Variants in KLB observed in about 807,000 individuals in gnomAD.
The protein encoded by KLB is klotho beta.
A neutral mutation model predicts 88.4 loss-of-function variants in KLB; 44 were observed. The ratio of observed to expected loss-of-function variants is 0.50; its 90% CI spans 0.39 to 0.64. KLB has a LOEUF of 0.64. KLB is among the 30% of genes least tolerant of loss of function. The probability of loss-of-function intolerance (pLI) is 0.00; values close to 1 mark genes in which losing one functional copy is unlikely to be tolerated. For missense variants in KLB, 1,137 were observed against 1,304.8 expected (o/e 0.87, Z 1.98); for synonymous variants, 548 against 513.4 (o/e 1.07, Z -0.91).
In KLB at chr4:39,434,379, A is replaced by G. The variant is rs568055363; in HGVS notation, c.995A>G (p.Asn332Ser). ...SMVSVLGWFANPIHGDGDYPE... is the reference protein window; with the variant it reads ...SMVSVLGWFASPIHGDGDYPE... ...GTTTCTGTGCTTGGATGGTTTGCCA[A>G]CCCTATCCATGGGGATGGCGACTAT... is the stretch of plus-strand genomic sequence containing the variant. Residue 332 changes from asparagine to serine, a missense_variant, in exon 2 of 5, where the codon AAC becomes AGC. Asn to Ser is a conservative substitution (Grantham distance 46, BLOSUM62 1). Coordinates refer to ENST00000257408, the MANE Select transcript of KLB (RefSeq NM_175737.4). 15 of 1,613,942 alleles carry G rather than the reference A, an allele frequency of 9.3e-6. No individual in the cohort carries two copies. Among genetic ancestry groups the G allele is most frequent in the Admixed American group, 3.3e-5 (2 of 60,004 alleles).
At chr4:39,409,898 T>C (rs1005069918) in intron 1 of KLB, among the ~76,000 whole-genome samples, 6 of 152,108 alleles carry the variant, frequency 3.9e-5, no homozygotes, top group Non-Finnish European at 8.8e-5. Context: ...CACTCCAGCC[T>C]GGGCGAGAGT....
chr4:39,427,011 G>GATGA (rs1371810624), intron 1 of KLB, among the ~76,000 whole-genome samples: 62 of 152,238 alleles, frequency 4.1e-4, no homozygotes, highest in African/African-American at 1.5e-3. Context: ...CTGCAGCATG[G>GATGA]ATGAATGAAT....
rs188782162 is a variant in KLB, at chr4:39,425,829, G to T, written c.826-8381G>T. Among the ~76,000 whole-genome samples the T allele has an allele frequency of 5.9e-5, 9 of 152,206 alleles. No homozygotes were observed. The East Asian group carries it at 1.7e-3, about 29-fold the overall frequency. On this transcript the variant is annotated intron_variant, in intron 1 of 4. Transcript: ENST00000257408. ...GAGTTATTTCAACTATAGAAAACAT[G>T]AATTTGGGCCAGGCGCAGTGGCTCA...
At chr4:39,408,876 C>G (rs949751445) in intron 1 of KLB, among the ~76,000 whole-genome samples, 1 of 145,778 alleles carries the variant, frequency 6.9e-6, no homozygotes, top group Non-Finnish European at 1.5e-5. Context: ...AAAACTTTAT[C>G]AATATAATTT....
At chr4:39,426,851 C>T (rs1424717354) in intron 1 of KLB, among the ~76,000 whole-genome samples, 1 of 151,984 alleles carries the variant, frequency 6.6e-6, no homozygotes, top group African/African-American at 2.4e-5. Context: ...ATGCCTGGCT[C>T]ATTTTCTTAA....
chr4:39,407,079 C>T lies in KLB; in HGVS notation c.130C>T (p.Leu44Phe), dbSNP rs138789592. The T allele has an allele frequency of 1.6e-4, 264 of 1,614,130 alleles. No individual in the cohort carries two copies. The African/African-American group carries it at 3.2e-3, about 20-fold the overall frequency. ...GLQRSVILSA[L>F]ILLRAVTGFS... Reference sequence around the variant, plus strand: ...GCAAAGATCTGTCATCCTGTCAGCACTTATTCTGCTACGAGCTGTTACTGG... The same window carrying T: ...GCAAAGATCTGTCATCCTGTCAGCATTTATTCTGCTACGAGCTGTTACTGG... The change falls in exon 1 of 5, where the codon CTT becomes TTT. Residue 44 changes from leucine (L) to phenylalanine (F), a missense_variant. Leu to Phe is a conservative substitution (Grantham distance 22). This residue lies in a region of KLB where 111 missense variants were observed against 118.3 expected (regional missense o/e 0.94). Transcript: ENST00000257408.
chr4:39,424,766 C>T (rs370779398), intron 1 of KLB, among the ~76,000 whole-genome samples: 49 of 152,034 alleles, frequency 3.2e-4, no homozygotes, highest in East Asian at 1.4e-3. Flanking sequence ...GTAGCTGGGA[C>T]TACAGGCATG....
chr4:39,442,545 T>TGAAGGGAAG (rs1301345416), intron 3 of KLB, among the ~76,000 whole-genome samples: 1 of 150,958 alleles, frequency 6.6e-6, no homozygotes, highest in Non-Finnish European at 1.5e-5. Context: ...GAGATTCCCC[T>TGAAGGGAAG]GCCTCAGCCT....
intron 1 of KLB, among the ~76,000 whole-genome samples, chr4:39,427,063 A>G (rs1232810255): frequency 6.6e-6 from 1 of 152,234 alleles, no homozygotes; most frequent in Non-Finnish European, 1.5e-5. Flanking sequence ...GGTAATTAAC[A>G]TAAAAGTTGA....
In KLB at chr4:39,420,122, G is replaced by A. The variant is rs185062556; in HGVS notation, c.825+12348G>A. Among the ~76,000 whole-genome samples, 301 of 152,198 alleles carry A rather than the reference G, an allele frequency of 2.0e-3. 1 individual carries two copies. The highest frequency in any genetic ancestry group is 6.8e-3 in the African/African-American group (283 of 41,536). ...GAAGTAATTAAAGTAATCCTTGGGT[G>A]ATCTAGTAGTGTTACTTGAAAATGT... On this transcript the variant is annotated intron_variant, in intron 1 of 4. Coordinates refer to ENST00000257408, the MANE Select transcript of KLB (RefSeq NM_175737.4).
intron 1 of KLB, among the ~76,000 whole-genome samples, chr4:39,425,189 T>C (rs2608816): frequency 0.11 from 16,639 of 152,280 alleles, 995 homozygotes; most frequent in Middle Eastern, 0.21. Flanking sequence ...CAATTTCTAA[T>C]AGAGGGAAAC....
chr4:39,447,064 G>C lies in KLB; in HGVS notation c.2338G>C (p.Gly780Arg). ...GTTCGCCGAGCCGCTCTTCAAGACC[G>C]GGGACTACCCCGCGGCCATGAGGGA... ...AWFAEPLFKT[G>R]DYPAAMREYI... Residue 780 changes from glycine to arginine, a missense_variant, in exon 4 of 5, where the codon GGG becomes CGG. Gly to Arg is a moderately radical substitution (Grantham distance 125, BLOSUM62 -2). Coordinates refer to ENST00000257408, the MANE Select transcript of KLB (RefSeq NM_175737.4). 6.2e-7 allele frequency: 1 copy of C among 1,612,684 alleles called. No homozygotes were observed. The highest frequency in any genetic ancestry group is 8.5e-7 in the Non-Finnish European group (1 of 1,179,950).
intron 3 of KLB, among the ~76,000 whole-genome samples, chr4:39,444,508 T>C (rs997128458): frequency 1.3e-5 from 2 of 152,192 alleles, no homozygotes; most frequent in African/African-American, 2.4e-5. Context: ...TGGTGGGGAA[T>C]AGGATTTTAG....
chr4:39,430,089 T>C (rs948302842), intron 1 of KLB, among the ~76,000 whole-genome samples: 1 of 152,246 alleles, frequency 6.6e-6, no homozygotes, highest in Admixed American at 6.5e-5. Flanking sequence ...CTGTTTCTCA[T>C]TCAAAGGCTG....
chr4:39,409,354 G>A (rs866154711), intron 1 of KLB, among the ~76,000 whole-genome samples: 4 of 149,540 alleles, frequency 2.7e-5, no homozygotes, highest in South Asian at 2.1e-4. Flanking sequence ...GTGCAATGGC[G>A]CAGTCTTGGC....
Position 39,442,241 on chromosome 4 carries a change from C to CA in KLB, c.1606-4077dup, listed in dbSNP as rs547196892. Among the ~76,000 whole-genome samples, 1,366 of 138,718 alleles carry CA rather than the reference C, an allele frequency of 9.8e-3. 20 individuals carry two copies. The highest frequency in any genetic ancestry group is 0.025 in the African/African-American group (955 of 38,096). The allele number at this position is 138,718 out of a possible 152,430, so 91.0% of individuals were successfully genotyped here. A position where few individuals can be genotyped will look rare whatever the true frequency, so the allele number is the denominator to read the frequency against. ...TGGGCAACAGAGCAAGACCCTGTCT[C>CA]AAAAAAAAAAAAAATTACTAAGCCT... On this transcript the variant is annotated intron_variant, in intron 3 of 4. Coordinates refer to ENST00000257408, the MANE Select transcript of KLB (RefSeq NM_175737.4).
At chr4:39,419,379 G>C (rs1743029938) in intron 1 of KLB, among the ~76,000 whole-genome samples, 1 of 151,998 alleles carries the variant, frequency 6.6e-6, no homozygotes, top group African/African-American at 2.4e-5. Context: ...TGGACATGAT[G>C]AAACTATGAA....
At chr4:39,433,634 T>C (rs1279936240) in intron 1 of KLB, among the ~76,000 whole-genome samples, 1 of 151,990 alleles carries the variant, frequency 6.6e-6, no homozygotes, top group Admixed American at 6.6e-5. Flanking sequence ...CCGAGGAGGG[T>C]GGATTACCTG....
intron 1 of KLB, among the ~76,000 whole-genome samples, chr4:39,418,803 C>G (rs1743016179): frequency 6.6e-6 from 1 of 151,526 alleles, no homozygotes; most frequent in Non-Finnish European, 1.5e-5. Flanking sequence ...CAAAACTTAG[C>G]TGGGTGTGGT....
Sources: allele counts gnomAD v4.1 joint callset (sites outside exome capture counted in the v4.1 genomes callset), GRCh38; gene constraint gnomAD v4.1.1; regional missense constraint gnomAD v4.1.1; transcripts MANE v1.5; gene names NCBI Gene and HGNC (gene_info 2026-07-23, HGNC 2026-07-21).